The following ST6GAL2 variants were observed in gnomAD, a reference collection of about 807,000 sequenced individuals.
ST6GAL2 encodes beta-galactoside alpha-2,6-sialyltransferase 2.
In ST6GAL2, 24 loss-of-function variants were observed where a neutral mutation model predicts 37.5. The observed-to-expected ratio is 0.64, with a 90% CI of 0.46 to 0.90. ST6GAL2 has a LOEUF of 0.90. Ranked by LOEUF, ST6GAL2 falls within the 40% of genes least tolerant of loss-of-function variation. ST6GAL2 has a pLI of 0.00. For missense variants in ST6GAL2, 715 were observed against 712.7 expected, an observed-to-expected ratio of 1.00 and a Z score of -0.04; for synonymous variants, 306 against 295.1, an observed-to-expected ratio of 1.04 and a Z score of -0.38.
chr2:106,852,353 C>A (rs987622926), intron 1 of ST6GAL2, among the ~76,000 whole-genome samples: 1 of 152,122 alleles, frequency 6.6e-6, no homozygotes, highest in Non-Finnish European at 1.5e-5. Context: ...TGGAGCAATC[C>A]CACCTGCTAG....
At chr2:106,857,801 G>C in intron 1 of ST6GAL2, among the ~76,000 whole-genome samples, 1 of 152,082 alleles carries the variant, frequency 6.6e-6, no homozygotes, top group East Asian at 1.9e-4. Flanking sequence ...CTTTGGGCAG[G>C]TGTGAGCAGC....
At chr2:106,833,475 A>G (rs981277463) in intron 3 of ST6GAL2, among the ~76,000 whole-genome samples, 3 of 152,166 alleles carry the variant, frequency 2.0e-5, no homozygotes, top group Non-Finnish European at 4.4e-5. Context: ...ATCACTCATC[A>G]CCTCACTTTT....
chr2:106,807,870 C>A (rs576219212), intron 5 of ST6GAL2, among the ~76,000 whole-genome samples: 12 of 152,194 alleles, frequency 7.9e-5, no homozygotes, highest in South Asian at 2.1e-4. Context: ...CTGCTCCCCC[C>A]ACCTCGGCCT....
At position 106,822,266 on chromosome 2, in the gene ST6GAL2, C is replaced by T. The variant is rs370381501; in HGVS notation, c.1318+7800G>A. 8.5e-5 allele frequency among the ~76,000 whole-genome samples: 13 copies of T among 152,182 alleles called. No homozygotes were observed. In the East Asian group the frequency reaches 1.5e-3, roughly 18 times the overall value. ...TCTTATATTTGAAAAAACCTAAAGA[C>T]TCCGCCAAAAAACTATTAGAACTGA... is the stretch of plus-strand genomic sequence containing the variant. On this transcript the variant is annotated intron_variant, in intron 5 of 5. Coordinates refer to ENST00000409382, the MANE Select transcript of ST6GAL2 (RefSeq NM_001142351.2).
intron 5 of ST6GAL2, among the ~76,000 whole-genome samples, chr2:106,811,567 A>C (rs557809970): frequency 2.2e-4 from 33 of 152,342 alleles, no homozygotes; most frequent in Admixed American, 7.8e-4. Context: ...TTTCACCTTT[A>C]AATTTAAAGA....
rs1425070594 is a variant in ST6GAL2 at position 106,884,934 on chromosome 2, T to TATATATATATATACAC, written c.-58+1158_-58+1159insGTGTATATATATATAT. ...ATATATATATATATATATATATATA[T>TATATATATATATACAC]ACATACACACACACACATATATACA... On this transcript the variant is annotated intron_variant, in intron 1 of 5. Transcript: ENST00000409382. Among the ~76,000 whole-genome samples the TATATATATATATACAC allele has an allele frequency of 1.7e-3, 209 of 120,402 alleles. 6 individuals are homozygous for TATATATATATATACAC. The highest frequency in any genetic ancestry group is 6.0e-3 in the African/African-American group (168 of 28,118). The allele number at this position is 120,402 out of a possible 152,430, so 79.0% of individuals were successfully genotyped here. A position where few individuals can be genotyped will look rare whatever the true frequency, so the allele number is the denominator to read the frequency against.
At chr2:106,814,504 AG>A (rs1272788578) in intron 5 of ST6GAL2, among the ~76,000 whole-genome samples, 2 of 150,912 alleles carry the variant, frequency 1.3e-5, no homozygotes, top group Non-Finnish European at 1.5e-5. Context: ...AAAAAAAAAA[AG>A]GCAAGGTGGG....
rs1323600018 is a variant in ST6GAL2 at position 106,864,950 on chromosome 2, A to G, written c.-57-20916T>C. ...CTCAGGGAGGGGGAGTGGAGGAAGA[A>G]CCCTGATTGTTAGTGTTTGCCCATT... On this transcript the variant is annotated intron_variant, in intron 1 of 5. Coordinates refer to ENST00000409382, the MANE Select transcript of ST6GAL2 (RefSeq NM_001142351.2). Among the ~76,000 whole-genome samples the G allele has an allele frequency of 1.3e-5, 2 of 152,094 alleles. 1 individual carries two copies. The highest frequency in any genetic ancestry group is 3.9e-4 in the East Asian group (2 of 5,194).
intron 1 of ST6GAL2, among the ~76,000 whole-genome samples, chr2:106,854,498 T>C (rs1393342368): frequency 1.3e-5 from 2 of 152,216 alleles, no homozygotes; most frequent in Non-Finnish European, 2.9e-5. Context: ...GTGTATTGTA[T>C]TGTATGATAT....
rs953769686 is a variant in ST6GAL2 at position 106,837,021 on chromosome 2, G to A, written c.944-2875C>T. ...GGAGTTCCCCAGTTTTTAAAGTCTGGAAAACTTCCAAGTTCATGGTTCAAA... is the reference window on the plus strand; with the variant it reads ...GGAGTTCCCCAGTTTTTAAAGTCTGAAAAACTTCCAAGTTCATGGTTCAAA... On this transcript the variant is annotated intron_variant, in intron 2 of 5. Coordinates refer to ENST00000409382, the MANE Select transcript of ST6GAL2 (RefSeq NM_001142351.2). Among the ~76,000 whole-genome samples, 17 of 151,250 alleles carry A rather than the reference G, an allele frequency of 1.1e-4. No individual in the cohort carries two copies. In the East Asian group the frequency reaches 3.3e-3, roughly 30 times the overall value.
chr2:106,820,128 A>G (rs1473947417), intron 5 of ST6GAL2, among the ~76,000 whole-genome samples: 2 of 152,234 alleles, frequency 1.3e-5, no homozygotes, highest in East Asian at 3.9e-4. Context: ...ATCAATAGTA[A>G]CACTGAATGT....
At chr2:106,884,576 G>A (rs74602211) in intron 1 of ST6GAL2, among the ~76,000 whole-genome samples, 17,357 of 151,948 alleles carry the variant, frequency 0.11, 1,195 homozygotes, top group African/African-American at 0.15. Context: ...CAAAACTCCA[G>A]AAGCTTTCAC....
At chr2:106,864,744 C>T (rs1396960387) in intron 1 of ST6GAL2, among the ~76,000 whole-genome samples, 2 of 152,176 alleles carry the variant, frequency 1.3e-5, no homozygotes, top group Non-Finnish European at 2.9e-5. Flanking sequence ...TAATGTATCG[C>T]CAGGCACAGA....
intron 1 of ST6GAL2, among the ~76,000 whole-genome samples, chr2:106,879,413 C>A (rs1230270441): frequency 6.6e-6 from 1 of 152,130 alleles, no homozygotes; most frequent in African/African-American, 2.4e-5. Flanking sequence ...AACTCTCCCA[C>A]CTCAAATAGT....
At chr2:106,882,958 T>G (rs1678814084) in intron 1 of ST6GAL2, among the ~76,000 whole-genome samples, 1 of 152,162 alleles carries the variant, frequency 6.6e-6, no homozygotes, top group Non-Finnish European at 1.5e-5. Context: ...AACCAACCAG[T>G]AGGCCCTGGG....
At chr2:106,867,515 T>C (rs780849357) in intron 1 of ST6GAL2, among the ~76,000 whole-genome samples, 2 of 152,212 alleles carry the variant, frequency 1.3e-5, no homozygotes, top group Non-Finnish European at 2.9e-5. Context: ...GCAAAGCCTA[T>C]GATTTTGGAG....
chr2:106,839,563 C>T (rs1676791201), intron 2 of ST6GAL2, among the ~76,000 whole-genome samples: 1 of 152,038 alleles, frequency 6.6e-6, no homozygotes, highest in Non-Finnish European at 1.5e-5. Flanking sequence ...ATATGGACTG[C>T]TTTCTTCTTT....
chr2:106,877,372 C>T (rs1333745447), intron 1 of ST6GAL2, among the ~76,000 whole-genome samples: 1 of 152,234 alleles, frequency 6.6e-6, no homozygotes, highest in Non-Finnish European at 1.5e-5. Context: ...TAAAATATTA[C>T]ATATACATGT....
intron 1 of ST6GAL2, among the ~76,000 whole-genome samples, chr2:106,848,815 A>G (rs2104540071): frequency 6.6e-6 from 1 of 152,360 alleles, no homozygotes; most frequent in East Asian, 1.9e-4. Flanking sequence ...GTGGCTATGT[A>G]GCCTGCGTCA....
Sources: allele counts gnomAD v4.1 joint callset (sites outside exome capture counted in the v4.1 genomes callset), GRCh38; gene constraint gnomAD v4.1.1; transcripts MANE v1.5; gene names NCBI Gene and HGNC (gene_info 2026-07-23, HGNC 2026-07-21).